Variants in HDAC4 observed in about 807,000 individuals in gnomAD.
HDAC4 encodes the protein histone deacetylase A.
In HDAC4, 16 loss-of-function variants were observed where a neutral mutation model predicts 135.1. That is an observed-to-expected ratio of 0.12 (90% CI 0.08 to 0.18). The LOEUF (loss-of-function observed/expected upper bound fraction) is 0.18, where lower values mean the gene tolerates loss of function less well. HDAC4 is among the 10% of genes least tolerant of loss of function. The probability of loss-of-function intolerance (pLI) is 1.00; values close to 1 mark genes in which losing one functional copy is unlikely to be tolerated. For synonymous variants in HDAC4, 685 were observed against 653.4 expected, an observed-to-expected ratio of 1.05 and a Z score of -0.74; for missense variants, 1,143 against 1,511.8, an observed-to-expected ratio of 0.76 and a Z score of 4.05.
chr2:239,307,208 G>T lies in HDAC4; in HGVS notation c.22+45470C>A, dbSNP rs193135853. 6.6e-6 allele frequency among the ~76,000 whole-genome samples: 1 copy of T among 152,264 alleles called. No individual in the cohort carries two copies. Among genetic ancestry groups the T allele is most frequent in the East Asian group, 1.9e-4 (1 of 5,150 alleles). ...AGAGAGCCCTGGGCACAAAGCCCAGGGCCTGGGGCAGGCTCCGTGCCCCAA... is the reference window on the plus strand; with the variant it reads ...AGAGAGCCCTGGGCACAAAGCCCAGTGCCTGGGGCAGGCTCCGTGCCCCAA... On this transcript the variant is annotated intron_variant, in intron 2 of 26. Coordinates refer to ENST00000543185, the MANE Select transcript of HDAC4 (RefSeq NM_001378414.1). The surrounding 1 kb of genome is among the most constrained non-coding windows in gnomAD (Gnocchi z 4.8).
In HDAC4 at chr2:239,133,951, G is replaced by A. The variant is rs186731529; in HGVS notation, c.1294+294C>T. Reference sequence around the variant, plus strand: ...AGTCGGTTCTGGGCTTCCAGCGCTGGCTCAGCTTGGTCCAGACAGAAACCC... The same window carrying A: ...AGTCGGTTCTGGGCTTCCAGCGCTGACTCAGCTTGGTCCAGACAGAAACCC... On this transcript the variant is annotated intron_variant, in intron 11 of 26. Transcript: ENST00000543185. Among the ~76,000 whole-genome samples, 428 of 152,334 alleles carry A rather than the reference G, an allele frequency of 2.8e-3. 3 individuals carry two copies. Among genetic ancestry groups the A allele is most frequent in the African/African-American group, 9.7e-3 (405 of 41,568 alleles).
chr2:239,091,805 A>C (rs558377850), intron 17 of HDAC4: 15 of 152,134 alleles, frequency 9.9e-5, no homozygotes, highest in African/African-American at 3.6e-4. Flanking sequence ...TCATGCCTGT[A>C]ATCCCAGCAC....
chr2:239,296,572 A>G (rs150644293), intron 2 of HDAC4, among the ~76,000 whole-genome samples: 2 of 152,356 alleles, frequency 1.3e-5, no homozygotes, highest in Non-Finnish European at 2.9e-5. Context: ...CCGGCATTTA[A>G]GAGAAACTGC....
intron 22 of HDAC4, among the ~76,000 whole-genome samples, chr2:239,078,160 C>T (rs2034953522): frequency 6.6e-6 from 1 of 152,210 alleles, no homozygotes; most frequent in Non-Finnish European, 1.5e-5. Flanking sequence ...CCCCCACCCC[C>T]AGCGGCTCAG....
chr2:239,388,840 C>T (rs1316785036), intron 1 of HDAC4, among the ~76,000 whole-genome samples: 1 of 152,220 alleles, frequency 6.6e-6, no homozygotes, highest in Non-Finnish European at 1.5e-5. Flanking sequence ...TACTTCTATC[C>T]ACCTTTCCCA....
At chr2:239,137,802 T>A (rs1422620852) in intron 9 of HDAC4, among the ~76,000 whole-genome samples, 2 of 152,210 alleles carry the variant, frequency 1.3e-5, no homozygotes, top group African/African-American at 4.8e-5. Flanking sequence ...TGATCCAACA[T>A]GCAAAGGCTG....
intron 4 of HDAC4, among the ~76,000 whole-genome samples, chr2:239,185,921 C>A (rs950095764): frequency 2.6e-5 from 4 of 152,132 alleles, no homozygotes; most frequent in Non-Finnish European, 5.9e-5. Context: ...GTAATCCCAG[C>A]CACTCAGGTG....
chr2:239,272,879 C>T (rs891746344), intron 2 of HDAC4, among the ~76,000 whole-genome samples: 6 of 152,188 alleles, frequency 3.9e-5, no homozygotes, highest in Non-Finnish European at 8.8e-5. Flanking sequence ...CCTCTCGTCC[C>T]AAGCTGTCCC....
At chr2:239,319,563 G>A (rs1259425710) in intron 2 of HDAC4, among the ~76,000 whole-genome samples, 1 of 152,176 alleles carries the variant, frequency 6.6e-6, no homozygotes, top group Non-Finnish European at 1.5e-5. Flanking sequence ...GCTTACCCGT[G>A]ACCCGGCACT....
chr2:239,118,496 G>C lies in HDAC4; in HGVS notation c.1534-3186C>G, dbSNP rs150598158. Among the ~76,000 whole-genome samples the C allele has an allele frequency of 3.4e-3, 514 of 152,230 alleles. 5 individuals are homozygous for C. Among genetic ancestry groups the C allele is most frequent in the African/African-American group, 0.012 (490 of 41,540 alleles). On this transcript the variant is annotated intron_variant, in intron 12 of 26. Coordinates refer to ENST00000543185, the MANE Select transcript of HDAC4 (RefSeq NM_001378414.1). ...GGAGAGTGCAGCGGTGGGTGGCCGC[G>C]CGTCGGGAACAGGAACGTGCTGTCC...
intron 2 of HDAC4, among the ~76,000 whole-genome samples, chr2:239,242,352 T>G (rs2048236405): frequency 6.6e-6 from 1 of 152,194 alleles, no homozygotes; most frequent in Non-Finnish European, 1.5e-5. Flanking sequence ...ACATGGGCTA[T>G]TACCTCCTTT....
At chr2:239,226,830 G>A (rs969371948) in intron 3 of HDAC4, among the ~76,000 whole-genome samples, 7 of 152,114 alleles carry the variant, frequency 4.6e-5, no homozygotes, top group South Asian at 2.1e-4. Flanking sequence ...GTCCTGGGCC[G>A]CGTGGGGAGG....
rs756860757 is a variant in HDAC4, at chr2:239,051,266, C to T, written c.*1831G>A. Reference sequence around the variant, plus strand: ...TTCTTTATACAGCTCCTAGGACAGACCAGGAAAGACACAATCGTTGGTGTC... The same window carrying T: ...TTCTTTATACAGCTCCTAGGACAGATCAGGAAAGACACAATCGTTGGTGTC... On this transcript the variant is annotated 3_prime_UTR_variant, in exon 27 of 27. Transcript: ENST00000543185. 3 of 152,284 alleles carry T rather than the reference C, an allele frequency of 2.0e-5. No homozygotes were observed. Among genetic ancestry groups the T allele is most frequent in the Non-Finnish European group, 4.4e-5 (3 of 68,038 alleles). The allele number at this position is 152,284 out of a possible 1,614,324, so 9.4% of individuals were successfully genotyped here.
chr2:239,228,731 T>A (rs1204397768), intron 3 of HDAC4, among the ~76,000 whole-genome samples: 2 of 152,122 alleles, frequency 1.3e-5, no homozygotes, highest in Non-Finnish European at 2.9e-5. Context: ...AGAGGTAATA[T>A]GCCTTCAGCC....
At chr2:239,176,357 C>CCCCTCCCTCTGCCTGGCCT (rs1553542263) in intron 5 of HDAC4, 56 bp downstream of exon 5, 2 of 93,218 alleles carry the variant, frequency 2.1e-5, no homozygotes, top group Admixed American at 2.0e-4. Context: ...CGTGCCCGCA[C>CCCCTCCCTCTGCCTGGCCT]CCCTCCCTCT....
rs554546518 is a variant in HDAC4, at chr2:239,328,864, G to A, written c.22+23814C>T. 2.0e-5 allele frequency among the ~76,000 whole-genome samples: 3 copies of A among 152,348 alleles called. No individual in the cohort carries two copies. The South Asian group carries it at 6.2e-4, about 32-fold the overall frequency. Reference sequence around the variant, plus strand: ...GGAGCTGGGCTTGGTGTTTATGTCTGATCCAGACAACTGGGGGTTTATGAC... The same window carrying A: ...GGAGCTGGGCTTGGTGTTTATGTCTAATCCAGACAACTGGGGGTTTATGAC... On this transcript the variant is annotated intron_variant, in intron 2 of 26. Coordinates refer to ENST00000543185, the MANE Select transcript of HDAC4 (RefSeq NM_001378414.1).
At chr2:239,138,054 A>G (rs2041097197) in intron 9 of HDAC4, among the ~76,000 whole-genome samples, 1 of 152,244 alleles carries the variant, frequency 6.6e-6, no homozygotes, top group Admixed American at 6.5e-5. Context: ...TAGGACCACA[A>G]TCAACAAGAT....
intron 22 of HDAC4, among the ~76,000 whole-genome samples, chr2:239,070,936 T>G (rs2034131551): frequency 6.6e-6 from 1 of 152,038 alleles, no homozygotes; most frequent in Non-Finnish European, 1.5e-5. Flanking sequence ...TGTTTTTTTT[T>G]TTTTTTTTTA....
chr2:239,178,951 G>A lies in HDAC4; in HGVS notation c.340-2388C>T, dbSNP rs188298789. 6.9e-4 allele frequency among the ~76,000 whole-genome samples: 105 copies of A among 151,758 alleles called. 2 individuals are homozygous for A. The East Asian group carries it at 0.017, about 24-fold the overall frequency. On this transcript the variant is annotated intron_variant, in intron 4 of 26. Transcript: ENST00000543185. ...TGTGCGAGGCAGCCACCGGATGCCC[G>A]AGGCATAGAGTGGGGAGTGCGTGCG...
Sources: allele counts gnomAD v4.1 joint callset (sites outside exome capture counted in the v4.1 genomes callset), GRCh38; gene constraint gnomAD v4.1.1; non-coding constraint Gnocchi (gnomAD v3.1); transcripts MANE v1.5; gene names NCBI Gene and HGNC (gene_info 2026-07-23, HGNC 2026-07-21).